Variants in RBM24 observed in about 807,000 individuals in gnomAD.
RBM24 encodes the protein RNA binding motif protein 24, also known as RNA-binding protein 24.
Under a neutral mutation model 23.6 loss-of-function variants are expected in RBM24, and 5 were observed. That is an observed-to-expected ratio of 0.21 (90% CI 0.11 to 0.45). The LOEUF (loss-of-function observed/expected upper bound fraction) is 0.45, where lower values mean the gene tolerates loss of function less well. Among genes scored for constraint, RBM24 ranks in the 20% least tolerant of loss-of-function variants. The pLI is 0.99. For synonymous variants in RBM24, 151 were observed against 129.5 expected, an observed-to-expected ratio of 1.17 and a Z score of -1.13; for missense variants, 252 against 314.6, an observed-to-expected ratio of 0.80 and a Z score of 1.51.
chr6:17,288,826 A>G (rs1320121623), intron 3 of RBM24: 30 of 985,322 alleles, frequency 3.0e-5, no homozygotes, highest in Non-Finnish European at 3.6e-5. Context: ...GGCAGTCTGG[A>G]TGTTTTGGCC....
intron 3 of RBM24, among the ~76,000 whole-genome samples, chr6:17,286,349 C>T (rs1225585561): frequency 1.3e-5 from 2 of 152,084 alleles, no homozygotes; most frequent in African/African-American, 4.8e-5. Context: ...GTGGGTAATT[C>T]ATTTAGACTT....
At chr6:17,290,968 A>C in intron 3 of RBM24, 1 of 950,020 alleles carries the variant, frequency 1.1e-6, no homozygotes, top group Non-Finnish European at 1.5e-6. Context: ...AGTGTGCTGC[A>C]CATCTCTTTG....
At position 17,284,684 on chromosome 6, in the gene RBM24, A is replaced by G. The variant is rs1201373020; in HGVS notation, c.320A>G (p.His107Arg). The part of the protein sequence containing the change: ...PGFAFGVQQL[H>R]PALIQRPFGI... ...TTTGCCTTTGGTGTTCAACAACTTC[A>G]TCCAGCCCTTATACAAAGACCTTTC... The change falls in exon 3 of 4, where the codon CAT becomes CGT. Residue 107 changes from histidine (H) to arginine (R), a missense_variant. By Grantham distance (29) the His-to-Arg change is conservative. Coordinates refer to ENST00000379052, the MANE Select transcript of RBM24 (RefSeq NM_001143942.2). The G allele has an allele frequency of 6.2e-7, 1 of 1,612,264 alleles. No homozygotes were observed.
Position 17,284,708 on chromosome 6 carries a change from T to C in RBM24, c.344T>C (p.Phe115Ser). ...QLHPALIQRP[F>S]GIPAHYVYPQ... is the part of the protein sequence containing the mutation. ...CATCCAGCCCTTATACAAAGACCTT[T>C]CGGGTAAGTTGATTAATCAGGCTTT... is the stretch of plus-strand genomic sequence containing the variant. Residue 115 changes from phenylalanine to serine, a missense_variant, in exon 3 of 4, where the codon TTC becomes TCC. By Grantham distance (155) the Phe-to-Ser change is radical (BLOSUM62 -2). Coordinates refer to ENST00000379052, the MANE Select transcript of RBM24 (RefSeq NM_001143942.2). The C allele has an allele frequency of 6.2e-7, 1 of 1,609,532 alleles. No homozygotes were observed. Among genetic ancestry groups the C allele is most frequent in the Non-Finnish European group, 8.5e-7 (1 of 1,178,154 alleles).
chr6:17,293,242 T>C lies in RBM24; in HGVS notation c.*1123T>C, dbSNP rs1259490604. The C allele has an allele frequency of 1.3e-5, 2 of 152,684 alleles. No homozygotes were observed. The highest frequency in any genetic ancestry group is 4.8e-5 in the African/African-American group (2 of 41,470). 9.5% of individuals were successfully genotyped at this position (152,684 alleles called of 1,614,324 possible). On this transcript the variant is annotated 3_prime_UTR_variant, in exon 4 of 4. Transcript: ENST00000379052. The stretch of plus-strand genomic sequence containing the variant: ...ATTTAAGATATTTATTTTTAAGTTT[T>C]ACTATGCTGCACTCTAAAGAAAGGA...
intron 1 of RBM24, chr6:17,282,438 G>C: frequency 2.0e-6 from 1 of 502,790 alleles, no homozygotes; most frequent in Non-Finnish European, 3.8e-6. Flanking sequence ...GTGCCTCTGA[G>C]GCTGAGTAGG....
chr6:17,288,359 G>C (rs764917903), intron 3 of RBM24: 15 of 985,440 alleles, frequency 1.5e-5, no homozygotes, highest in Non-Finnish European at 1.7e-5. Flanking sequence ...CTTCGTGAAG[G>C]AAGTAGAAGT....
At position 17,291,942 on chromosome 6, in the gene RBM24, T is replaced by A. The variant is rs201355188; in HGVS notation, c.534T>A (p.Tyr178Ter). 6.2e-7 allele frequency: 1 copy of A among 1,612,814 alleles called. No individual in the cohort carries two copies. The highest frequency in any genetic ancestry group is 1.3e-5 in the African/African-American group (1 of 74,908). Residue 178 changes from tyrosine to a stop codon, truncating the protein, a stop_gained, in exon 4 of 4, where the codon TAT (tyrosine) becomes TAA (stop). Transcript: ENST00000379052. LOFTEE classifies it high-confidence loss of function. Reference sequence around the variant, plus strand: ...CTGCTGCCTATGACCAGTACCCCTATGCAGCCTCTCCAGCTGCTGCAGGAT... The same window carrying A: ...CTGCTGCCTATGACCAGTACCCCTAAGCAGCCTCTCCAGCTGCTGCAGGAT... ...AAAAAYDQYP[Y>*]AASPAAAGYV...
chr6:17,289,804 T>TC, intron 3 of RBM24: 1 of 1,073,548 alleles, frequency 9.3e-7, no homozygotes, highest in Non-Finnish European at 1.1e-6. Context: ...GCCCCTGCTG[T>TC]CCATCACCAC....
Position 17,292,213 on chromosome 6 carries a change from G to C in RBM24, c.*94G>C. 2 of 1,187,886 alleles carry C rather than the reference G, an allele frequency of 1.7e-6. No individual in the cohort carries two copies. The highest frequency in any genetic ancestry group is 2.3e-6 in the Non-Finnish European group (2 of 884,580). 73.6% of individuals were successfully genotyped at this position (1,187,886 alleles called of 1,614,324 possible). ...TAAGAGAGTTAACATTGACTTAACAGCTTTAAAAAAAAAAACAGCCATGCT... is the reference window on the plus strand; with the variant it reads ...TAAGAGAGTTAACATTGACTTAACACCTTTAAAAAAAAAAACAGCCATGCT... On this transcript the variant is annotated 3_prime_UTR_variant, in exon 4 of 4. Transcript: ENST00000379052.
intron 2 of RBM24, 137 bp from the exon 3 acceptor site, chr6:17,284,516 AATAT>A (rs1760135424): frequency 3.8e-6 from 2 of 523,720 alleles, no homozygotes; most frequent in Admixed American, 7.1e-5. Context: ...GACTTTAAAA[AATAT>A]ACATACATAT....
intron 3 of RBM24, chr6:17,290,057 T>G (rs1581436096): frequency 7.8e-7 from 1 of 1,289,410 alleles, no homozygotes; most frequent in Non-Finnish European, 1.0e-6. Flanking sequence ...CTGGGAAACA[T>G]CTACAAGTCT....
chr6:17,291,983 G>T lies in RBM24; in HGVS notation c.575G>T (p.Gly192Val), dbSNP rs1420928319. The T allele has an allele frequency of 6.2e-7, 1 of 1,609,596 alleles. No individual in the cohort carries two copies. The highest frequency in any genetic ancestry group is 8.5e-7 in the Non-Finnish European group (1 of 1,179,214). The change falls in exon 4 of 4, where the codon GGC becomes GTC. Residue 192 changes from glycine to valine, a missense_variant. Transcript: ENST00000379052. ...PAAAGYVTAG[G>V]YGYAVQQPIT... Reference sequence around the variant, plus strand: ...GCTGCAGGATATGTTACTGCTGGGGGCTATGGCTACGCAGTCCAGCAGCCA... The same window carrying T: ...GCTGCAGGATATGTTACTGCTGGGGTCTATGGCTACGCAGTCCAGCAGCCA...
In RBM24 at chr6:17,292,217, T is replaced by TAAAAAAA; in HGVS notation, c.*103_*109dup. ...AGAGTTAACATTGACTTAACAGCTT[T>TAAAAAAA]AAAAAAAAAAACAGCCATGCTATTG... On this transcript the variant is annotated 3_prime_UTR_variant, in exon 4 of 4. Coordinates refer to ENST00000379052, the MANE Select transcript of RBM24 (RefSeq NM_001143942.2). The TAAAAAAA allele has an allele frequency of 1.1e-6, 1 of 875,786 alleles. No individual in the cohort carries two copies. Among genetic ancestry groups the TAAAAAAA allele is most frequent in the Non-Finnish European group, 1.6e-6 (1 of 638,056 alleles). 54.3% of individuals were successfully genotyped at this position (875,786 alleles called of 1,614,324 possible). A position where few individuals can be genotyped will look rare whatever the true frequency, so the allele number is the denominator to read the frequency against.
At chr6:17,285,807 A>T (rs1760177434) in intron 3 of RBM24, among the ~76,000 whole-genome samples, 1 of 152,194 alleles carries the variant, frequency 6.6e-6, no homozygotes, top group African/African-American at 2.4e-5. Flanking sequence ...TTCAGAGGTT[A>T]TATGGGTGGG....
intron 3 of RBM24, chr6:17,289,065 A>T (rs1045879010): frequency 6.1e-6 from 6 of 985,268 alleles, no homozygotes; most frequent in Non-Finnish European, 4.8e-6. Flanking sequence ...AAATGTAGTA[A>T]ATTTTCTTTG....
rs958690137 is a variant in RBM24 at position 17,281,841 on chromosome 6, C to T, written c.168+92C>T. The T allele has an allele frequency of 1.0e-5, 15 of 1,469,068 alleles. No individual in the cohort carries two copies. Among genetic ancestry groups the T allele is most frequent in the African/African-American group, 8.5e-5 (6 of 70,462 alleles). 91.0% of individuals were successfully genotyped at this position (1,469,068 alleles called of 1,614,324 possible). A position where few individuals can be genotyped will look rare whatever the true frequency, so the allele number is the denominator to read the frequency against. ...TTGGAGTGAGGGGCTCGGCGTGACC[C>T]GTGAGGAGCCCCGCGGGTAGAGCGG... is the stretch of plus-strand genomic sequence containing the variant. On this transcript the variant is annotated intron_variant, in intron 1 of 3. Transcript: ENST00000379052. This position sits in a 1 kb window ranked among gnomAD's most constrained non-coding sequence, Gnocchi z 7.1.
At position 17,281,463 on chromosome 6, in the gene RBM24, C is replaced by T. The variant is rs1760010357; in HGVS notation, c.-119C>T. The T allele has an allele frequency of 1.2e-6, 1 of 813,118 alleles. No individual in the cohort carries two copies. The highest frequency in any genetic ancestry group is 1.9e-5 in the African/African-American group (1 of 53,864). 50.4% of individuals were successfully genotyped at this position (813,118 alleles called of 1,614,324 possible). On this transcript the variant is annotated 5_prime_UTR_variant, in exon 1 of 4. Transcript: ENST00000379052. This position sits in a 1 kb window ranked among gnomAD's most constrained non-coding sequence, Gnocchi z 7.1. ...GCGCCGCCGCCCTCGCCCCCGGGCT[C>T]GCCCTTGGCCCCCGGCGGCCGCGAA... is the stretch of plus-strand genomic sequence containing the variant.
intron 2 of RBM24, among the ~76,000 whole-genome samples, chr6:17,284,110 G>A (rs1396240811): frequency 1.3e-5 from 2 of 152,090 alleles, no homozygotes; most frequent in African/African-American, 4.8e-5. Context: ...AAGGAAACTA[G>A]GTTGTCAAGA....
Sources: gnomAD v4.1 joint callset for allele counts (sites outside exome capture counted in the v4.1 genomes callset) on GRCh38, gnomAD v4.1.1 for gene constraint, Gnocchi (gnomAD v3.1) non-coding constraint, MANE v1.5 for transcripts, NCBI Gene and HGNC (gene_info 2026-07-23, HGNC 2026-07-21) for gene names.